The following LIPA variants were observed in gnomAD, a reference collection of about 807,000 sequenced individuals.
The protein encoded by LIPA is lipase A, lysosomal acid type.
In LIPA, 26 loss-of-function variants were observed where a neutral mutation model predicts 40.6. The observed-to-expected ratio is 0.64, with a 90% CI of 0.47 to 0.89. LIPA has a LOEUF of 0.89. Among genes scored for constraint, LIPA ranks in the 40% least tolerant of loss-of-function variants. LIPA has a pLI of 0.00. For missense variants in LIPA, 455 were observed against 479.6 expected (o/e 0.95, Z 0.48); for synonymous variants, 188 against 168.4 (o/e 1.12, Z -0.90).
In LIPA at chr10:89,402,278, C is replaced by T. The variant is rs150922975; in HGVS notation, c.61+10513G>A. 393 of 1,569,040 alleles carry T rather than the reference C, an allele frequency of 2.5e-4. 2 individuals carry two copies. In the African/African-American group the frequency reaches 5.0e-3, roughly 20 times the overall value. ...CAAAGAAAATCTGTTTTTGTTTTTACAGTACAAATGGTGATGATCATCAGG... is the reference window on the plus strand; with the variant it reads ...CAAAGAAAATCTGTTTTTGTTTTTATAGTACAAATGGTGATGATCATCAGG... On this transcript the variant is annotated intron_variant, in intron 2 of 8. Transcript: ENST00000371837.
At chr10:89,370,207 G>C (rs1844084086) in intron 2 of LIPA, among the ~76,000 whole-genome samples, 1 of 151,526 alleles carries the variant, frequency 6.6e-6, no homozygotes, top group Non-Finnish European at 1.5e-5. Flanking sequence ...GATTTAGAAT[G>C]TTTTCTTTTT....
chr10:89,413,852 AG>A (rs1253837453), intron 1 of LIPA, among the ~76,000 whole-genome samples: 1 of 152,176 alleles, frequency 6.6e-6, no homozygotes, highest in Non-Finnish European at 1.5e-5. Flanking sequence ...TAACTCAATA[AG>A]GGTAAGGCCC....
chr10:89,384,068 A>T (rs777855225), intron 2 of LIPA: 35 of 1,614,094 alleles, frequency 2.2e-5, no homozygotes, highest in Non-Finnish European at 2.9e-5. Flanking sequence ...TCACAGGCCT[A>T]TGTCTTTCAA....
In LIPA at chr10:89,213,837, A is replaced by C. The variant is rs886047466; in HGVS notation, c.*991T>G. ...TGTATTAAAAATAAGGATGCATATA[A>C]AACTAAGACACAAAATGAATCCCTG... is the stretch of plus-strand genomic sequence containing the variant. On this transcript the variant is annotated 3_prime_UTR_variant, in exon 10 of 10. Coordinates refer to ENST00000336233, the MANE Select transcript of LIPA (RefSeq NM_000235.4). 7 of 152,234 alleles carry C rather than the reference A, an allele frequency of 4.6e-5. No individual in the cohort carries two copies. Among genetic ancestry groups the C allele is most frequent in the Non-Finnish European group, 7.3e-5 (5 of 68,038 alleles). The allele number at this position is 152,234 out of a possible 1,614,324, so 9.4% of individuals were successfully genotyped here.
intron 2 of LIPA, among the ~76,000 whole-genome samples, chr10:89,378,672 A>G (rs1273928377): frequency 6.6e-6 from 1 of 152,224 alleles, no homozygotes; most frequent in Admixed American, 6.5e-5. Flanking sequence ...GAGTTAATAA[A>G]GTCCATAGAG....
At chr10:89,381,431 A>T (rs1335201652) in intron 2 of LIPA, among the ~76,000 whole-genome samples, 3 of 152,158 alleles carry the variant, frequency 2.0e-5, no homozygotes, top group Non-Finnish European at 4.4e-5. Flanking sequence ...CACAGGTTTC[A>T]TTGGGTAATC....
chr10:89,235,586 C>T (rs1287780213), intron 3 of LIPA, among the ~76,000 whole-genome samples: 1 of 152,208 alleles, frequency 6.6e-6, no homozygotes, highest in Non-Finnish European at 1.5e-5. Flanking sequence ...GGAAGATGAC[C>T]GGGTAGGTGG....
intron 1 of LIPA, among the ~76,000 whole-genome samples, chr10:89,338,496 T>A (rs1843784158): frequency 6.6e-6 from 1 of 152,164 alleles, no homozygotes; most frequent in Non-Finnish European, 1.5e-5. Context: ...CCAATTCACA[T>A]GTTCATGTCT....
At chr10:89,394,174 G>GTGCAGCATGT (rs1844299437) in intron 2 of LIPA, among the ~76,000 whole-genome samples, 1 of 152,116 alleles carries the variant, frequency 6.6e-6, no homozygotes, top group African/African-American at 2.4e-5. Context: ...GCATGTTACT[G>GTGCAGCATGT]TACTGAATAC....
Position 89,228,280 on chromosome 10 carries a change from C to T in LIPA, c.348G>A (p.Trp116Ter). Reference sequence around the variant, plus strand: ...AGGTATTTCCTCTGCTGTTGCCCATCCACACGTCAAAACCAGCATCAGCAA... The same window carrying T: ...AGGTATTTCCTCTGCTGTTGCCCATTCACACGTCAAAACCAGCATCAGCAA... ...FILADAGFDV[W>*]MGNSRGNTWS... is the part of the protein sequence containing the mutation. Residue 116 changes from tryptophan (W) to a stop codon, truncating the protein, a stop_gained, in exon 4 of 10, where the codon TGG becomes TGA. Transcript: ENST00000336233. LOFTEE classifies it high-confidence loss of function. 1 of 1,614,180 alleles carries T rather than the reference C, an allele frequency of 6.2e-7. No homozygotes were observed. Among genetic ancestry groups the T allele is most frequent in the Non-Finnish European group, 8.5e-7 (1 of 1,180,028 alleles).
rs142964444 is a variant in LIPA at position 89,383,875 on chromosome 10, C to T, written c.61+28916G>A. ...TGGGTACGCAATCACCGTCTATCGCCTGGATAAATTTAACACAGCATCAGG... is the reference window on the plus strand; with the variant it reads ...TGGGTACGCAATCACCGTCTATCGCTTGGATAAATTTAACACAGCATCAGG... On this transcript the variant is annotated intron_variant, in intron 2 of 8. Transcript: ENST00000371837. 1.8e-3 allele frequency: 2,923 copies of T among 1,614,170 alleles called. 19 individuals carry two copies. The African/African-American group carries it at 0.019, about 11-fold the overall frequency.
At chr10:89,376,491 C>G (rs1428751107) in intron 2 of LIPA, among the ~76,000 whole-genome samples, 1 of 152,122 alleles carries the variant, frequency 6.6e-6, no homozygotes, top group Admixed American at 6.5e-5. Flanking sequence ...TTAGAAAGGT[C>G]AGGAGCAGTA....
intron 2 of LIPA, among the ~76,000 whole-genome samples, chr10:89,354,137 C>A (rs1843976782): frequency 6.6e-6 from 1 of 152,174 alleles, no homozygotes; most frequent in Non-Finnish European, 1.5e-5. Flanking sequence ...TTTGCTGCTG[C>A]TAACCAAATG....
chr10:89,214,942 G>A lies in LIPA; in HGVS notation c.1086C>T (p.Asn362=). Residue 362 remains asparagine (N), a synonymous_variant, in exon 10 of 10, where the codon AAC becomes AAT. Coordinates refer to ENST00000336233, the MANE Select transcript of LIPA (RefSeq NM_000235.4). ...CCGGAATGCTCTCATGGAACACCAA[G>A]TTGGTGATCTGAGTCAGTAAGATAT... ...DVNILLTQIT[N]LVFHESIPEW... is the part of the protein sequence containing the mutation. 1.2e-6 allele frequency: 2 copies of A among 1,613,944 alleles called. No homozygotes were observed. The highest frequency in any genetic ancestry group is 1.7e-6 in the Non-Finnish European group (2 of 1,179,828).
chr10:89,250,888 C>T (rs1023302502), intron 1 of LIPA, among the ~76,000 whole-genome samples: 1 of 152,150 alleles, frequency 6.6e-6, no homozygotes, highest in Non-Finnish European at 1.5e-5. Context: ...ATTAAGTGTG[C>T]TTTTCTGGGC....
At chr10:89,413,485 C>T (rs1841494264) in intron 1 of LIPA, among the ~76,000 whole-genome samples, 1 of 152,140 alleles carries the variant, frequency 6.6e-6, no homozygotes, top group Non-Finnish European at 1.5e-5. Flanking sequence ...TGGCTCATGC[C>T]TGTAATCCCA....
intron 3 of LIPA, among the ~76,000 whole-genome samples, chr10:89,232,940 G>C (rs994718941): frequency 6.6e-6 from 1 of 152,196 alleles, no homozygotes; most frequent in African/African-American, 2.4e-5. Context: ...ATGGCCTGTG[G>C]ACAGCTGGAG....
intron 1 of LIPA, among the ~76,000 whole-genome samples, chr10:89,326,685 C>A (rs1421243819): frequency 6.6e-6 from 1 of 151,874 alleles, no homozygotes; most frequent in East Asian, 1.9e-4. Flanking sequence ...TCTCATGTAC[C>A]CCATAAATAT....
intron 2 of LIPA, among the ~76,000 whole-genome samples, chr10:89,351,999 C>T (rs544608468): frequency 3.3e-5 from 5 of 152,198 alleles, no homozygotes; most frequent in Non-Finnish European, 7.3e-5. Flanking sequence ...CCCAGGGAAA[C>T]CTTAAAAACT....
Sources: gnomAD v4.1 joint callset for allele counts (sites outside exome capture counted in the v4.1 genomes callset) on GRCh38, gnomAD v4.1.1 for gene constraint, MANE v1.5 for transcripts, NCBI Gene and HGNC (gene_info 2026-07-23, HGNC 2026-07-21) for gene names.